VRK2: variants seen among roughly 807,000 people sequenced by gnomAD.
The protein encoded by VRK2 is VRK serine/threonine kinase 2.
In VRK2, 60 loss-of-function variants were observed where a neutral mutation model predicts 57.6. The ratio of observed to expected loss-of-function variants is 1.04; its 90% CI spans 0.85 to 1.29. The LOEUF (loss-of-function observed/expected upper bound fraction) is 1.29. VRK2 is among the 50% of genes most tolerant of loss of function. VRK2 has a pLI of 0.00. For synonymous variants in VRK2, 231 were observed against 199.2 expected (o/e 1.16, Z -1.35); for missense variants, 705 against 588.1 (o/e 1.20, Z -2.06).
At chr2:58,049,642 A>C (rs1461256942) in intron 2 of VRK2, among the ~76,000 whole-genome samples, 1 of 152,220 alleles carries the variant, frequency 6.6e-6, no homozygotes, top group Non-Finnish European at 1.5e-5. Flanking sequence ...ATCCATTAAA[A>C]GATTGATTAA....
intron 10 of VRK2, among the ~76,000 whole-genome samples, chr2:58,136,454 G>A (rs865836163): frequency 5.3e-5 from 8 of 150,506 alleles, no homozygotes; most frequent in South Asian, 2.1e-4. Context: ...GCACGATCTC[G>A]GCTCAGTGCA....
At position 58,153,142 on chromosome 2, in the gene VRK2, A is replaced by G. The variant is rs115287889; in HGVS notation, c.1183-6207A>G. On this transcript the variant is annotated intron_variant, in intron 12 of 12. Transcript: ENST00000340157. ...TTATCATTTTGAGTGTATCATATAA[A>G]TCAAATCTTATGATATGTAACTTGT... Among the ~76,000 whole-genome samples the G allele has an allele frequency of 5.8e-3, 884 of 152,166 alleles. 11 individuals carry two copies. The highest frequency in any genetic ancestry group is 0.02 in the African/African-American group (831 of 41,568).
At chr2:58,038,517 A>G (rs1405715488) in intron 3 of VRK2, among the ~76,000 whole-genome samples, 1 of 152,122 alleles carries the variant, frequency 6.6e-6, no homozygotes, top group Admixed American at 6.5e-5. Flanking sequence ...TCATTTGTAA[A>G]GGTGTTTTTC....
At chr2:58,036,879 G>C (rs1038259322) in intron 3 of VRK2, among the ~76,000 whole-genome samples, 4 of 151,930 alleles carry the variant, frequency 2.6e-5, no homozygotes, top group African/African-American at 9.7e-5. Context: ...TGGCTAAGGA[G>C]CACTTGAAAC....
intron 7 of VRK2, among the ~76,000 whole-genome samples, chr2:58,114,879 T>C (rs1281346858): frequency 6.6e-6 from 1 of 152,142 alleles, no homozygotes; most frequent in Non-Finnish European, 1.5e-5. Flanking sequence ...AAAGCGTCTA[T>C]TTAGACTAAG....
At chr2:58,061,664 T>C (rs1558581947) in intron 2 of VRK2, among the ~76,000 whole-genome samples, 1 of 151,970 alleles carries the variant, frequency 6.6e-6, no homozygotes, top group Non-Finnish European at 1.5e-5. Context: ...CAAGGATGTA[T>C]ATAGGGTAAA....
intron 2 of VRK2, among the ~76,000 whole-genome samples, chr2:58,050,804 A>T (rs1489395899): frequency 6.6e-6 from 1 of 152,234 alleles, no homozygotes; most frequent in Non-Finnish European, 1.5e-5. Context: ...CAAATGCAGA[A>T]AAATATTTGC....
chr2:58,146,515 T>C (rs746454479), intron 12 of VRK2, 41 bp downstream of exon 12: 1 of 1,580,860 alleles, frequency 6.3e-7, no homozygotes, highest in African/African-American at 1.4e-5. Context: ...AACTTAATGT[T>C]ACATTAGAAT....
chr2:58,075,664 A>G (rs920912552), intron 2 of VRK2, among the ~76,000 whole-genome samples: 2 of 152,128 alleles, frequency 1.3e-5, no homozygotes, highest in African/African-American at 4.8e-5. Context: ...TGGGGGGCCT[A>G]TGCCCCAGGA....
chr2:57,990,906 A>G (rs1430490124), intron 1 of VRK2, among the ~76,000 whole-genome samples: 1 of 151,876 alleles, frequency 6.6e-6, no homozygotes, highest in Non-Finnish European at 1.5e-5. Flanking sequence ...CAATTAAACA[A>G]AAGTAGAGAA....
intron 7 of VRK2, among the ~76,000 whole-genome samples, chr2:58,112,066 G>T (rs1461363091): frequency 6.6e-6 from 1 of 152,040 alleles, no homozygotes; most frequent in Admixed American, 6.6e-5. Context: ...ACTCATTTTT[G>T]ACTTCAACAT....
At chr2:58,030,312 T>C (rs1223183315) in intron 2 of VRK2, among the ~76,000 whole-genome samples, 1 of 152,162 alleles carries the variant, frequency 6.6e-6, no homozygotes, top group African/African-American at 2.4e-5. Flanking sequence ...TATTCATCTT[T>C]GTTTTAAATA....
intron 2 of VRK2, among the ~76,000 whole-genome samples, chr2:58,032,296 T>C (rs1572805644): frequency 6.6e-6 from 1 of 152,126 alleles, no homozygotes; most frequent in African/African-American, 2.4e-5. Context: ...ACTGGGTAGC[T>C]TTATAAACAA....
At chr2:57,981,111 T>C (rs1175458294) in intron 1 of VRK2, among the ~76,000 whole-genome samples, 2 of 152,212 alleles carry the variant, frequency 1.3e-5, no homozygotes, top group East Asian at 3.8e-4. Flanking sequence ...GATTTGATTG[T>C]ATAGTTGCTT....
chr2:57,969,977 T>A (rs999691805), intron 1 of VRK2, among the ~76,000 whole-genome samples: 1 of 151,866 alleles, frequency 6.6e-6, no homozygotes, highest in Non-Finnish European at 1.5e-5. Context: ...CGTAACCTAT[T>A]TTTTTCATAT....
rs1573420091 is a variant in VRK2, at chr2:58,151,164, G to A, written c.1182+4690G>A. 2.0e-5 allele frequency among the ~76,000 whole-genome samples: 3 copies of A among 151,612 alleles called. No individual in the cohort carries two copies. In the South Asian group the frequency reaches 6.2e-4, roughly 31 times the overall value. ...CCTCGTTTTATCATTTAATGACAAA[G>A]GAATGTTACAATCACCAACTGTAAT... On this transcript the variant is annotated intron_variant, in intron 12 of 12. Transcript: ENST00000340157.
chr2:58,103,798 G>C (rs1353528849), intron 7 of VRK2, among the ~76,000 whole-genome samples: 2 of 151,584 alleles, frequency 1.3e-5, no homozygotes, highest in Non-Finnish European at 3.0e-5. Flanking sequence ...AAACAAAAAA[G>C]AAAACGTTGG....
In VRK2 at chr2:57,958,200, G is replaced by A. The variant is rs60742713; in HGVS notation, c.-439+50361G>A. Among the ~76,000 whole-genome samples the A allele has an allele frequency of 9.3e-3, 1,418 of 152,182 alleles. 30 individuals are homozygous for A. Among genetic ancestry groups the A allele is most frequent in the African/African-American group, 0.031 (1,301 of 41,540 alleles). On this transcript the variant is annotated intron_variant, in intron 1 of 15. Transcript: ENST00000417641. ...ATTTTTGTTATGTTTTGTTTTTAAT[G>A]TCTTTGAATTTGTGACTCTAATTTA...
rs377047978 is a variant in VRK2, at chr2:58,074,609, T to G, written c.137-9480T>G. Among the ~76,000 whole-genome samples, 6 of 152,294 alleles carry G rather than the reference T, an allele frequency of 3.9e-5. No homozygotes were observed. In the South Asian group the frequency reaches 8.3e-4, roughly 21 times the overall value. ...TCTTGCTGTAATTCATTTCACTTAT[T>G]CATAAGCTATAATAACTCAACACAT... On this transcript the variant is annotated intron_variant, in intron 2 of 12. Transcript: ENST00000340157.
Sources: gnomAD v4.1 joint callset for allele counts (sites outside exome capture counted in the v4.1 genomes callset) on GRCh38, gnomAD v4.1.1 for gene constraint, MANE v1.5 for transcripts, NCBI Gene and HGNC (gene_info 2026-07-23, HGNC 2026-07-21) for gene names.